Variants in SLC30A9 observed in about 807,000 individuals in gnomAD.
SLC30A9 encodes the protein proton-coupled zinc antiporter SLC30A9, mitochondrial.
SLC30A9 carries 58 observed loss-of-function variants against 87.5 expected under a neutral mutation model. That is an observed-to-expected ratio of 0.66 (90% confidence interval 0.54 to 0.82). The LOEUF (loss-of-function observed/expected upper bound fraction) is 0.82, where lower values mean the gene tolerates loss of function less well. Among genes scored for constraint, SLC30A9 ranks in the 40% least tolerant of loss-of-function variants. The probability of loss-of-function intolerance (pLI) is 0.00; values close to 1 mark genes in which losing one functional copy is unlikely to be tolerated. For synonymous variants in SLC30A9, 234 were observed against 233.0 expected (o/e 1.00, Z -0.04); for missense variants, 557 against 679.1 (o/e 0.82, Z 2.00).
At chr4:41,992,663 G>T (rs191176127) in intron 1 of SLC30A9, among the ~76,000 whole-genome samples, 1 of 152,250 alleles carries the variant, frequency 6.6e-6, no homozygotes, top group Non-Finnish European at 1.5e-5. Context: ...AAGTTGTTTG[G>T]AATGTTTATT....
chr4:42,001,577 C>T, intron 1 of SLC30A9, 39 bp from the exon 2 acceptor site: 1 of 1,374,032 alleles, frequency 7.3e-7, no homozygotes, highest in Non-Finnish European at 1.0e-6. Context: ...GCAGCTAGGA[C>T]TTGGTTTGAA....
intron 16 of SLC30A9, 80 bp downstream of exon 16, chr4:42,075,866 A>G: frequency 1.4e-6 from 2 of 1,399,938 alleles, no homozygotes; most frequent in South Asian, 1.4e-5. Flanking sequence ...ATTTTTTTTT[A>G]TAGATCTTAA....
At chr4:42,031,384 C>G (rs932093485) in intron 6 of SLC30A9, among the ~76,000 whole-genome samples, 3 of 152,110 alleles carry the variant, frequency 2.0e-5, no homozygotes, top group Non-Finnish European at 4.4e-5. Context: ...ATTTCAAAAT[C>G]CATTAAATAG....
rs35238488 is a variant in SLC30A9 at position 42,054,493 on chromosome 4, A to ATT, written c.840+5028_840+5029dup. On this transcript the variant is annotated intron_variant, in intron 9 of 17. Coordinates refer to ENST00000264451, the MANE Select transcript of SLC30A9 (RefSeq NM_006345.4). ...TGATAATAGTAAGGAATTAGTATTG[A>ATT]TTTTTTTTTTTTTTTGAGACAGAGT... 1.6e-3 allele frequency among the ~76,000 whole-genome samples: 224 copies of ATT among 143,810 alleles called. 1 individual carries two copies. The highest frequency in any genetic ancestry group is 3.1e-3 in the East Asian group (15 of 4,890). 94.3% of individuals were successfully genotyped at this position (143,810 alleles called of 152,430 possible).
chr4:42,066,969 C>G (rs1560557884), intron 13 of SLC30A9, 116 bp from the exon 14 acceptor site: 1 of 664,932 alleles, frequency 1.5e-6, no homozygotes, highest in Non-Finnish European at 2.6e-6. Flanking sequence ...CTCTCATACA[C>G]TTTTTTATCT....
chr4:42,027,511 A>G lies in SLC30A9; in HGVS notation c.610+4127A>G, dbSNP rs145529744. Among the ~76,000 whole-genome samples, 1,362 of 152,240 alleles carry G rather than the reference A, an allele frequency of 8.9e-3. 20 individuals carry two copies. The highest frequency in any genetic ancestry group is 0.032 in the African/African-American group (1,309 of 41,524). On this transcript the variant is annotated intron_variant, in intron 6 of 17. Transcript: ENST00000264451. ...TGCATACCTGTCTGGTGAGTAAGAA[A>G]AGTAGACATCTAGTGTTGTGCTTTT...
chr4:41,994,975 G>C (rs1238245147), intron 1 of SLC30A9, among the ~76,000 whole-genome samples: 1 of 151,982 alleles, frequency 6.6e-6, no homozygotes, highest in African/African-American at 2.4e-5. Flanking sequence ...AGACCATTTA[G>C]GGCTGGGTGT....
chr4:42,058,525 C>CTCT lies in SLC30A9; in HGVS notation c.841-1665_841-1663dup, dbSNP rs534841015. Among the ~76,000 whole-genome samples, 7 of 152,330 alleles carry CTCT rather than the reference C, an allele frequency of 4.6e-5. No homozygotes were observed. The South Asian group carries it at 1.4e-3, about 32-fold the overall frequency. On this transcript the variant is annotated intron_variant, in intron 9 of 17. Transcript: ENST00000264451. The stretch of plus-strand genomic sequence containing the variant: ...TTCGGGTATCTAGAGCAGCACCCCA[C>CTCT]TCTACTGGTACCAATTTACTGTATT...
chr4:41,990,696 G>T lies in SLC30A9; in HGVS notation c.45G>T (p.Trp15Cys). The change falls in exon 1 of 18, where the codon TGG becomes TGT. Residue 15 changes from tryptophan (W) to cysteine (C), a missense_variant. This residue lies in a region of SLC30A9 where 467 missense variants were observed against 529.8 expected (regional missense o/e 0.88). Coordinates refer to ENST00000264451, the MANE Select transcript of SLC30A9 (RefSeq NM_006345.4). ...CCGCCGCGGCCCACAGATGTAGCTG[G>T]TCCTCCCTGTGCCGGCTCCGTCTGC... ...LAAAAAHRCS[W>C]SSLCRLRLRC... 1 of 1,612,264 alleles carries T rather than the reference G, an allele frequency of 6.2e-7. No individual in the cohort carries two copies. Among genetic ancestry groups the T allele is most frequent in the South Asian group, 1.1e-5 (1 of 91,016 alleles).
intron 8 of SLC30A9, among the ~76,000 whole-genome samples, chr4:42,044,529 A>G (rs1717063139): frequency 6.6e-6 from 1 of 152,218 alleles, no homozygotes; most frequent in South Asian, 2.1e-4. Context: ...TCCTAAATAT[A>G]TATGCACCCA....
At chr4:42,060,934 A>G (rs539056120) in intron 10 of SLC30A9, among the ~76,000 whole-genome samples, 28 of 152,288 alleles carry the variant, frequency 1.8e-4, no homozygotes, top group Non-Finnish European at 3.4e-4. Context: ...CTTGAAAGCA[A>G]TACTACTGTT....
At chr4:42,061,769 G>A (rs746946816) in intron 10 of SLC30A9, among the ~76,000 whole-genome samples, 27 of 151,684 alleles carry the variant, frequency 1.8e-4, no homozygotes, top group South Asian at 8.3e-4. Context: ...GTGTGGTGGC[G>A]CATGCCTGTA....
At chr4:42,074,455 G>A (rs1429589081) in intron 15 of SLC30A9, among the ~76,000 whole-genome samples, 1 of 152,172 alleles carries the variant, frequency 6.6e-6, no homozygotes, top group East Asian at 1.9e-4. Context: ...TTTCTCAGCA[G>A]TTTCTAGGGA....
At chr4:42,048,668 A>G (rs1277725046) in intron 8 of SLC30A9, among the ~76,000 whole-genome samples, 1 of 152,146 alleles carries the variant, frequency 6.6e-6, no homozygotes, top group East Asian at 1.9e-4. Context: ...CTGCCTCCTT[A>G]AGTAAACAGA....
intron 9 of SLC30A9, among the ~76,000 whole-genome samples, chr4:42,053,765 T>A (rs1170700161): frequency 1.4e-5 from 2 of 144,574 alleles, no homozygotes; most frequent in African/African-American, 5.4e-5. Flanking sequence ...CTGAAAAAAT[T>A]GGAATCAACC....
At chr4:42,025,428 T>A (rs4241695) in intron 6 of SLC30A9, among the ~76,000 whole-genome samples, 98,367 of 152,064 alleles carry the variant, frequency 0.65, 36,002 homozygotes, top group East Asian at 0.96. Flanking sequence ...TTCCTTTTCT[T>A]GACAAAACTG....
intron 9 of SLC30A9, among the ~76,000 whole-genome samples, chr4:42,049,853 C>T (rs1442892833): frequency 6.6e-6 from 1 of 152,070 alleles, no homozygotes; most frequent in Non-Finnish European, 1.5e-5. Context: ...GAATTACTTT[C>T]CTTGGCTTTG....
At chr4:42,050,888 A>G (rs1001458816) in intron 9 of SLC30A9, among the ~76,000 whole-genome samples, 2 of 152,218 alleles carry the variant, frequency 1.3e-5, no homozygotes, top group African/African-American at 4.8e-5. Context: ...GACAGAAATC[A>G]GTGTTCAGGG....
intron 1 of SLC30A9, among the ~76,000 whole-genome samples, chr4:41,996,787 A>G (rs111869945): frequency 2.1e-4 from 32 of 152,090 alleles, no homozygotes; most frequent in African/African-American, 7.0e-4. Context: ...TAGTCCCAGC[A>G]CTTTGGGAGG....
Sources: gnomAD v4.1 joint callset for allele counts (sites outside exome capture counted in the v4.1 genomes callset) on GRCh38, gnomAD v4.1.1 for gene constraint, gnomAD v4.1.1 regional missense constraint, MANE v1.5 for transcripts, NCBI Gene and HGNC (gene_info 2026-07-23, HGNC 2026-07-21) for gene names.